The following HOOK3 variants were observed in gnomAD, a reference collection of about 807,000 sequenced individuals.
HOOK3 encodes protein Hook homolog 3.
A neutral mutation model predicts 116.3 loss-of-function variants in HOOK3; 24 were observed. That is an observed-to-expected ratio of 0.21 (90% CI 0.15 to 0.29). HOOK3 has a LOEUF of 0.29. Ranked by LOEUF, HOOK3 falls within the 10% of genes least tolerant of loss-of-function variation. The pLI is 1.00. For missense variants in HOOK3, 632 were observed against 830.2 expected (o/e 0.76, Z 2.93); for synonymous variants, 275 against 283.0 (o/e 0.97, Z 0.28).
chr8:42,906,375 G>A (rs1192841520), intron 2 of HOOK3, 117 bp downstream of exon 2: 1 of 709,426 alleles, frequency 1.4e-6, no homozygotes, highest in Middle Eastern at 2.9e-4. Flanking sequence ...GTTGTAGGCG[G>A]CAGCAGCACT....
rs751306360 is a variant in HOOK3, at chr8:43,019,472, A to G, written c.*974A>G. 5 of 207,844 alleles carry G rather than the reference A, an allele frequency of 2.4e-5. No homozygotes were observed. Among genetic ancestry groups the G allele is most frequent in the East Asian group, 7.5e-5 (1 of 13,406 alleles). 12.9% of individuals were successfully genotyped at this position (207,844 alleles called of 1,614,324 possible). A position where few individuals can be genotyped will look rare whatever the true frequency, so the allele number is the denominator to read the frequency against. ...ATATAAACCCTTCCATTTTTTAACA[A>G]TTCCTAACACTTGATATCTTAATAT... On this transcript the variant is annotated 3_prime_UTR_variant, in exon 22 of 22. Transcript: ENST00000307602.
intron 4 of HOOK3, among the ~76,000 whole-genome samples, chr8:42,937,820 A>G (rs1586599456): frequency 6.6e-6 from 1 of 152,148 alleles, no homozygotes; most frequent in Non-Finnish European, 1.5e-5. Context: ...TATGTGGTCA[A>G]TTTTAGAATA....
At position 42,986,806 on chromosome 8, in the gene HOOK3, A is replaced by G; in HGVS notation, c.1532+11A>G. The G allele has an allele frequency of 6.2e-7, 1 of 1,610,742 alleles. No homozygotes were observed. The highest frequency in any genetic ancestry group is 8.5e-7 in the Non-Finnish European group (1 of 1,178,840). On this transcript the variant is annotated intron_variant, in intron 15 of 21. Coordinates refer to ENST00000307602, the MANE Select transcript of HOOK3 (RefSeq NM_032410.4). Reference sequence around the variant, plus strand: ...GGAGACAGAGAATAGGTAGAGTATTATAGGTGGCCGCATCTGGCTATAAGT... The same window carrying G: ...GGAGACAGAGAATAGGTAGAGTATTGTAGGTGGCCGCATCTGGCTATAAGT...
intron 4 of HOOK3, among the ~76,000 whole-genome samples, chr8:42,936,833 ATATTGGCCTGAAAT>A (rs1283884376): frequency 1.3e-5 from 2 of 152,076 alleles, no homozygotes; most frequent in Non-Finnish European, 2.9e-5. Context: ...TTCATCAGAG[ATATTGGCCTGAAAT>A]TTTCTTTTTT....
chr8:42,931,455 G>C (rs1224267304), intron 4 of HOOK3, among the ~76,000 whole-genome samples: 1 of 125,872 alleles, frequency 7.9e-6, no homozygotes, highest in Non-Finnish European at 1.6e-5. Context: ...TTTTTGAGAC[G>C]GAGTCTCGCT....
At chr8:42,905,665 G>A (rs567075859) in intron 1 of HOOK3, among the ~76,000 whole-genome samples, 370 of 151,962 alleles carry the variant, frequency 2.4e-3, no homozygotes, top group Non-Finnish European at 3.7e-3. Flanking sequence ...TCTTTTACCA[G>A]TGGGGAAGAA....
chr8:42,897,235 C>G, intron 1 of HOOK3, 47 bp downstream of exon 1: 1 of 1,184,316 alleles, frequency 8.4e-7, no homozygotes, highest in South Asian at 4.3e-5. Flanking sequence ...CCCCCCGCCA[C>G]CTACCGGGAC....
chr8:43,008,326 T>G (rs1271885791), intron 18 of HOOK3, among the ~76,000 whole-genome samples: 2 of 152,078 alleles, frequency 1.3e-5, no homozygotes, highest in Non-Finnish European at 2.9e-5. Flanking sequence ...CCTGTTTATT[T>G]ATTTTTGAGA....
intron 16 of HOOK3, among the ~76,000 whole-genome samples, chr8:43,000,089 A>G (rs954326784): frequency 6.6e-6 from 1 of 152,224 alleles, no homozygotes; most frequent in African/African-American, 2.4e-5. Context: ...CGGAGCTTGC[A>G]GTGAGCAGAG....
At position 42,897,196 on chromosome 8, in the gene HOOK3, G is replaced by A. The variant is rs1807008953; in HGVS notation, c.57+8G>A. On this transcript the variant is annotated splice_region_variant and intron_variant, in intron 1 of 21. Transcript: ENST00000307602. The stretch of plus-strand genomic sequence containing the variant: ...GAGAGCCTCCTCACTTGGGTACGTG[G>A]GGGCCGCGGGCCGGCGGGAAGACCC... 1.6e-6 allele frequency: 2 copies of A among 1,243,994 alleles called. No homozygotes were observed. The highest frequency in any genetic ancestry group is 1.6e-5 in the African/African-American group (1 of 64,288). 77.1% of individuals were successfully genotyped at this position (1,243,994 alleles called of 1,614,324 possible). A position where few individuals can be genotyped will look rare whatever the true frequency, so the allele number is the denominator to read the frequency against.
intron 10 of HOOK3, among the ~76,000 whole-genome samples, chr8:42,967,598 A>G (rs1808654991): frequency 6.6e-6 from 1 of 152,088 alleles, no homozygotes. Flanking sequence ...TCTTAAAAAG[A>G]GAGGGAGTTA....
intron 2 of HOOK3, among the ~76,000 whole-genome samples, chr8:42,917,685 T>C (rs1335266661): frequency 2.0e-5 from 3 of 152,144 alleles, no homozygotes; most frequent in African/African-American, 7.2e-5. Flanking sequence ...TGCCTCCAAG[T>C]GCCATTGGTT....
chr8:42,999,063 G>T (rs958050496), intron 16 of HOOK3, among the ~76,000 whole-genome samples: 1 of 152,216 alleles, frequency 6.6e-6, no homozygotes, highest in East Asian at 1.9e-4. Flanking sequence ...GGAAGGGCAT[G>T]TGGTACATAG....
Position 43,030,089 on chromosome 8 carries a change from A to G in HOOK3, c.*11591A>G. ...CACTTCAAAAATGAAATACAGATTT[A>G]GCAGTGTTGTACATAATGATGTCCA... On this transcript the variant is annotated 3_prime_UTR_variant, in exon 22 of 22. Transcript: ENST00000307602. 1 of 210,556 alleles carries G rather than the reference A, an allele frequency of 4.7e-6. No homozygotes were observed. The allele number at this position is 210,556 out of a possible 1,614,324, so 13.0% of individuals were successfully genotyped here. A position where few individuals can be genotyped will look rare whatever the true frequency, so the allele number is the denominator to read the frequency against.
intron 4 of HOOK3, among the ~76,000 whole-genome samples, chr8:42,938,918 C>T (rs1259067144): frequency 2.0e-5 from 3 of 152,012 alleles, no homozygotes; most frequent in African/African-American, 4.8e-5. Flanking sequence ...GGTGATGACT[C>T]TTAACGAGCA....
chr8:42,915,683 C>T (rs572938193), intron 2 of HOOK3, among the ~76,000 whole-genome samples: 17 of 152,222 alleles, frequency 1.1e-4, no homozygotes, highest in African/African-American at 4.1e-4. Flanking sequence ...CCGCCTGTCT[C>T]GGCTTCTCAA....
intron 1 of HOOK3, among the ~76,000 whole-genome samples, chr8:42,897,866 G>C (rs1196176708): frequency 6.6e-6 from 1 of 152,222 alleles, no homozygotes; most frequent in Non-Finnish European, 1.5e-5. Context: ...CCTGAAGCCG[G>C]GTCTTCAGGA....
At chr8:42,929,989 C>T (rs1313389316) in intron 3 of HOOK3, 133 bp from the exon 4 acceptor site, 1 of 758,988 alleles carries the variant, frequency 1.3e-6, no homozygotes, top group Non-Finnish European at 2.0e-6. Flanking sequence ...TTCAAATATG[C>T]TTTTGAATTT....
chr8:42,947,207 T>C (rs1808246946), intron 5 of HOOK3, among the ~76,000 whole-genome samples: 1 of 152,224 alleles, frequency 6.6e-6, no homozygotes. Flanking sequence ...GAGATTGGTA[T>C]ACCTAAGATT....
Sources: gnomAD v4.1 joint callset for allele counts (sites outside exome capture counted in the v4.1 genomes callset) on GRCh38, gnomAD v4.1.1 for gene constraint, MANE v1.5 for transcripts, NCBI Gene and HGNC (gene_info 2026-07-23, HGNC 2026-07-21) for gene names.